PTPRG: variants seen among roughly 807,000 people sequenced by gnomAD.
PTPRG encodes protein tyrosine phosphatase receptor type G.
PTPRG carries 102 observed loss-of-function variants against 165.3 expected under a neutral mutation model. The observed-to-expected ratio is 0.62, with a 90% CI of 0.53 to 0.73. The LOEUF (loss-of-function observed/expected upper bound fraction) is 0.73, where lower values mean the gene tolerates loss of function less well. PTPRG is among the 30% of genes least tolerant of loss of function. PTPRG has a pLI of 0.00. For synonymous variants in PTPRG, 675 were observed against 669.5 expected, an observed-to-expected ratio of 1.01 and a Z score of -0.13; for missense variants, 1,866 against 1,861.4, an observed-to-expected ratio of 1.00 and a Z score of -0.05.
chr3:61,889,671 T>G (rs902580116), intron 2 of PTPRG, among the ~76,000 whole-genome samples: 1 of 152,236 alleles, frequency 6.6e-6, no homozygotes, highest in African/African-American at 2.4e-5. Flanking sequence ...TTTACATTGT[T>G]TTAAAATGGA....
At chr3:62,149,126 G>C (rs945683856) in intron 6 of PTPRG, among the ~76,000 whole-genome samples, 9 of 152,150 alleles carry the variant, frequency 5.9e-5, no homozygotes, top group Admixed American at 3.9e-4. Flanking sequence ...CCATTCCCAT[G>C]CTGTCATTCC....
intron 5 of PTPRG, among the ~76,000 whole-genome samples, chr3:62,121,713 A>AT (rs1379250937): frequency 3.3e-5 from 5 of 152,096 alleles, no homozygotes; most frequent in Non-Finnish European, 7.4e-5. Flanking sequence ...TACTGGGACC[A>AT]TTTTTTTCCA....
chr3:62,082,698 A>C (rs1213255267), intron 5 of PTPRG, among the ~76,000 whole-genome samples: 3 of 152,196 alleles, frequency 2.0e-5, no homozygotes, highest in African/African-American at 7.2e-5. Flanking sequence ...GTAACGGATA[A>C]GAGTTGAGGG....
At chr3:62,057,867 CAG>C (rs1387473643) in intron 4 of PTPRG, among the ~76,000 whole-genome samples, 3 of 152,142 alleles carry the variant, frequency 2.0e-5, no homozygotes, top group African/African-American at 7.2e-5. Context: ...GGAACAAAAA[CAG>C]GGTATTTCCG....
intron 1 of PTPRG, among the ~76,000 whole-genome samples, chr3:61,578,237 A>G (rs1700210349): frequency 6.6e-6 from 1 of 152,212 alleles, no homozygotes; most frequent in Non-Finnish European, 1.5e-5. Context: ...CTGCTCAGCA[A>G]TTTGAAAGGT....
chr3:61,647,938 G>C (rs955882480), intron 1 of PTPRG, among the ~76,000 whole-genome samples: 1 of 152,162 alleles, frequency 6.6e-6, no homozygotes, highest in African/African-American at 2.4e-5. Flanking sequence ...CGGCCTGTGA[G>C]GCCCGTTATG....
intron 1 of PTPRG, among the ~76,000 whole-genome samples, chr3:61,708,186 C>A (rs2106735252): frequency 6.6e-6 from 1 of 152,090 alleles, no homozygotes; most frequent in Non-Finnish European, 1.5e-5. Context: ...GTCCTTTCTG[C>A]ACATCTCAGC....
intron 1 of PTPRG, among the ~76,000 whole-genome samples, chr3:61,637,720 C>T (rs545507686): frequency 6.6e-6 from 1 of 152,270 alleles, no homozygotes; most frequent in Admixed American, 6.5e-5. Context: ...GTGTTGCCAA[C>T]TGTGGATTTG....
intron 8 of PTPRG, among the ~76,000 whole-genome samples, chr3:62,185,249 A>C (rs1705830713): frequency 6.6e-6 from 1 of 152,200 alleles, no homozygotes; most frequent in South Asian, 2.1e-4. Flanking sequence ...GTGGGAACAT[A>C]ATCAGGCCCC....
At chr3:62,138,290 G>A (rs1379591527) in intron 6 of PTPRG, among the ~76,000 whole-genome samples, 2 of 152,216 alleles carry the variant, frequency 1.3e-5, no homozygotes, top group African/African-American at 4.8e-5. Flanking sequence ...GCATTAAAAT[G>A]ATGTGTAACA....
At chr3:62,126,839 G>T (rs556688302) in intron 5 of PTPRG, among the ~76,000 whole-genome samples, 6 of 152,144 alleles carry the variant, frequency 3.9e-5, no homozygotes, top group South Asian at 4.2e-4. Context: ...ATTCCTCTCC[G>T]ACTTATTTCA....
At chr3:62,249,254 C>T (rs1274390439) in intron 15 of PTPRG, among the ~76,000 whole-genome samples, 1 of 152,002 alleles carries the variant, frequency 6.6e-6, no homozygotes, top group Non-Finnish European at 1.5e-5. Flanking sequence ...AAAGGTATTA[C>T]CAAACACCTT....
rs200922257 is a variant in PTPRG, at chr3:61,748,923, G to A, written c.131G>A (p.Gly44Asp). 5.0e-5 allele frequency: 81 copies of A among 1,613,012 alleles called. No individual in the cohort carries two copies. The Admixed American group carries it at 1.2e-3, about 24-fold the overall frequency. ...YVGALHENRH[G>D]SAVQIRRRKA... ...GGGGCCCTGCACGAGAATAGACACG[G>A]CAGCGCAGTGCAGATCCGCAGGCGC... The change falls in exon 2 of 30, where the codon GGC becomes GAC. Residue 44 changes from glycine to aspartate, a missense_variant. Transcript: ENST00000474889.
At chr3:62,167,886 CT>C in intron 7 of PTPRG, 84 bp from the exon 8 acceptor site, 1 of 1,392,718 alleles carries the variant, frequency 7.2e-7, no homozygotes, top group Non-Finnish European at 1.0e-6. Flanking sequence ...CCTTCACCTG[CT>C]TTGGACCAAA....
rs528895113 is a variant in PTPRG at position 61,737,541 on chromosome 3, G to A, written c.86-11337G>A. 8.8e-4 allele frequency among the ~76,000 whole-genome samples: 134 copies of A among 152,306 alleles called. 1 individual carries two copies. Among genetic ancestry groups the A allele is most frequent in the African/African-American group, 3.1e-3 (129 of 41,580 alleles). ...GCTGACCAGAAGCACAAAGCTTGGG[G>A]AATAGATGGCGATGGGCTATTGAGT... On this transcript the variant is annotated intron_variant, in intron 1 of 29. Transcript: ENST00000474889.
intron 1 of PTPRG, among the ~76,000 whole-genome samples, chr3:61,675,963 C>T (rs545188898): frequency 1.4e-4 from 21 of 152,270 alleles, no homozygotes; most frequent in East Asian, 3.9e-4. Flanking sequence ...TTGTTAGATA[C>T]GTCTGTTCTC....
At chr3:61,602,029 CAGT>C (rs1299657092) in intron 1 of PTPRG, among the ~76,000 whole-genome samples, 1 of 152,186 alleles carries the variant, frequency 6.6e-6, no homozygotes, top group Non-Finnish European at 1.5e-5. Flanking sequence ...GATTAGGAAA[CAGT>C]GGTGGAATTC....
intron 2 of PTPRG, among the ~76,000 whole-genome samples, chr3:61,801,340 G>C (rs956369058): frequency 6.9e-6 from 1 of 144,324 alleles, no homozygotes; most frequent in African/African-American, 2.6e-5. Context: ...AGACAGTCTT[G>C]CTCTGTCACC....
intron 5 of PTPRG, among the ~76,000 whole-genome samples, chr3:62,087,279 G>C (rs1260972644): frequency 6.6e-6 from 1 of 152,128 alleles, no homozygotes; most frequent in Non-Finnish European, 1.5e-5. Flanking sequence ...TCAATCCAGC[G>C]ACTTTGTTTT....
Sources: gnomAD v4.1 joint callset for allele counts (sites outside exome capture counted in the v4.1 genomes callset) on GRCh38, gnomAD v4.1.1 for gene constraint, MANE v1.5 for transcripts, NCBI Gene and HGNC (gene_info 2026-07-23, HGNC 2026-07-21) for gene names.